The following FGF12 variants were observed in gnomAD, a reference collection of about 807,000 sequenced individuals.
FGF12 encodes the protein fibroblast growth factor 12B.
Under a neutral mutation model 23.6 loss-of-function variants are expected in FGF12, and 14 were observed. The observed-to-expected ratio is 0.59, with a 90% CI of 0.39 to 0.93. The LOEUF (loss-of-function observed/expected upper bound fraction) is 0.93. Among genes scored for constraint, FGF12 ranks in the 40% least tolerant of loss-of-function variants. The pLI is 0.00. For missense variants in FGF12, 175 were observed against 217.8 expected (o/e 0.80, Z 1.24); for synonymous variants, 62 against 77.3 (o/e 0.80, Z 1.04).
rs1719978590 is a variant in FGF12, at chr3:192,384,873, G to A, written c.14-24335C>T. Among the ~76,000 whole-genome samples the A allele has an allele frequency of 2.0e-5, 3 of 152,140 alleles. No homozygotes were observed. In the South Asian group the frequency reaches 6.2e-4, roughly 32 times the overall value. On this transcript the variant is annotated intron_variant, in intron 2 of 5. Coordinates refer to ENST00000445105, the MANE Select transcript of FGF12 (RefSeq NM_004113.6). ...TCTGTATTCCTTAGGTAGAGAGAGG[G>A]TGAAAAGTGACTGTTATGAGGGTCA...
intron 3 of FGF12, among the ~76,000 whole-genome samples, chr3:192,346,591 T>C (rs1717976093): frequency 6.6e-6 from 1 of 152,156 alleles, no homozygotes; most frequent in African/African-American, 2.4e-5. Flanking sequence ...GCAGGAATTG[T>C]ATCAGATTCA....
intron 2 of FGF12, among the ~76,000 whole-genome samples, chr3:192,501,677 C>A (rs1332595162): frequency 1.3e-5 from 2 of 152,122 alleles, no homozygotes; most frequent in African/African-American, 4.8e-5. Flanking sequence ...ACCGTAATTG[C>A]CAGAGAAGAT....
chr3:192,150,832 GT>G (rs1393538441), intron 5 of FGF12, among the ~76,000 whole-genome samples: 2 of 140,842 alleles, frequency 1.4e-5, no homozygotes, highest in African/African-American at 2.6e-5. Context: ...CTTTAAAGTA[GT>G]TTTTTCCAAT....
chr3:192,569,183 C>G (rs575474396), intron 2 of FGF12, among the ~76,000 whole-genome samples: 2 of 152,342 alleles, frequency 1.3e-5, no homozygotes, highest in East Asian at 3.9e-4. Flanking sequence ...AGCATCATAG[C>G]ATATGCCTTT....
chr3:192,641,539 G>A (rs1437602796), intron 2 of FGF12, among the ~76,000 whole-genome samples: 1 of 151,570 alleles, frequency 6.6e-6, no homozygotes, highest in Non-Finnish European at 1.5e-5. Context: ...TGAGTAGCTG[G>A]GATTACAGGC....
intron 4 of FGF12, among the ~76,000 whole-genome samples, chr3:192,295,404 A>G (rs975813239): frequency 1.3e-5 from 2 of 152,236 alleles, no homozygotes; most frequent in Non-Finnish European, 2.9e-5. Context: ...TCACCTAACT[A>G]GAGTCATTGC....
intron 2 of FGF12, among the ~76,000 whole-genome samples, chr3:192,378,082 C>CTTTCTTTCTTTCTTTCT (rs1719639069): frequency 8.6e-6 from 1 of 116,776 alleles, no homozygotes; most frequent in Non-Finnish European, 1.7e-5. Flanking sequence ...TTCTTTCTTT[C>CTTTCTTTCTTTCTTTCT]TTTCTTTCTT....
At chr3:192,347,659 A>G (rs1718026224) in intron 3 of FGF12, among the ~76,000 whole-genome samples, 1 of 152,158 alleles carries the variant, frequency 6.6e-6, no homozygotes, top group African/African-American at 2.4e-5. Context: ...TTAGACTTCG[A>G]TCAATTCTTC....
chr3:192,178,505 CTT>C (rs1017793337), intron 4 of FGF12, among the ~76,000 whole-genome samples: 11 of 149,460 alleles, frequency 7.4e-5, no homozygotes, highest in African/African-American at 2.4e-4. Context: ...AATCTAAACT[CTT>C]TTTTTTTTCC....
rs34728500 is a variant in FGF12, at chr3:192,342,010, TA to T, written c.125-6547del. Among the ~76,000 whole-genome samples, 30 of 148,850 alleles carry T rather than the reference TA, an allele frequency of 2.0e-4. No homozygotes were observed. In the South Asian group the frequency reaches 5.9e-3, roughly 29 times the overall value. On this transcript the variant is annotated intron_variant, in intron 3 of 5. Coordinates refer to ENST00000445105, the MANE Select transcript of FGF12 (RefSeq NM_004113.6). ...TGTATGCCAAATACCATGCCTAGGCTAAAAAAAGAGTGACGAACATAACAGT... is the reference window on the plus strand; with the variant it reads ...TGTATGCCAAATACCATGCCTAGGCTAAAAAAGAGTGACGAACATAACAGT...
In FGF12 at chr3:192,409,671, G is replaced by T. The variant is rs976974924; in HGVS notation, c.14-49133C>A. Reference sequence around the variant, plus strand: ...CTGGCTGCAGGCGATGTTGGCTCGCGGCGGCTGAGGCTCCTGGCCGGAGCT... The same window carrying T: ...CTGGCTGCAGGCGATGTTGGCTCGCTGCGGCTGAGGCTCCTGGCCGGAGCT... On this transcript the variant is annotated intron_variant, in intron 2 of 5. Transcript: ENST00000445105. This position sits in a 1 kb window ranked among gnomAD's most constrained non-coding sequence, Gnocchi z 4.8. Among the ~76,000 whole-genome samples, 4 of 152,172 alleles carry T rather than the reference G, an allele frequency of 2.6e-5. No individual in the cohort carries two copies. The highest frequency in any genetic ancestry group is 5.9e-5 in the Non-Finnish European group (4 of 68,020).
chr3:192,604,010 C>A (rs554662229), intron 2 of FGF12, among the ~76,000 whole-genome samples: 5 of 152,090 alleles, frequency 3.3e-5, no homozygotes, highest in Non-Finnish European at 7.4e-5. Flanking sequence ...AGACCTCCCC[C>A]CAGGAATGAA....
intron 2 of FGF12, among the ~76,000 whole-genome samples, chr3:192,680,064 A>G (rs1250002655): frequency 1.3e-5 from 2 of 151,910 alleles, no homozygotes; most frequent in African/African-American, 4.8e-5. Context: ...TTTTTCCTTT[A>G]CTGGAAAAAA....
chr3:192,581,492 A>G lies in FGF12; in HGVS notation c.13+145689T>C, dbSNP rs201380538. The stretch of plus-strand genomic sequence containing the variant: ...TATATATATGTGTGTGTGTGTATAT[A>G]TATATATATATATATATACAGGAAG... On this transcript the variant is annotated intron_variant, in intron 2 of 5. Transcript: ENST00000445105. Among the ~76,000 whole-genome samples the G allele has an allele frequency of 7.3e-3, 291 of 39,802 alleles. 1 individual carries two copies. In the East Asian group the frequency reaches 0.14, roughly 19 times the overall value. 26.1% of individuals were successfully genotyped at this position (39,802 alleles called of 152,430 possible).
At chr3:192,571,469 C>T (rs991349403) in intron 2 of FGF12, among the ~76,000 whole-genome samples, 1 of 152,262 alleles carries the variant, frequency 6.6e-6, no homozygotes, top group Non-Finnish European at 1.5e-5. Flanking sequence ...AGCGCGCGAG[C>T]AGCGCGGCAT....
chr3:192,661,383 A>T (rs2108684646), intron 2 of FGF12, among the ~76,000 whole-genome samples: 1 of 152,300 alleles, frequency 6.6e-6, no homozygotes, highest in Non-Finnish European at 1.5e-5. Context: ...TTAGCTGGGC[A>T]TGGTGGCATG....
At chr3:192,680,240 C>A (rs1047525147) in intron 2 of FGF12, among the ~76,000 whole-genome samples, 8 of 152,052 alleles carry the variant, frequency 5.3e-5, no homozygotes, top group African/African-American at 1.9e-4. Flanking sequence ...TTATTTTGAA[C>A]AAAGAGCTAG....
At chr3:192,709,521 G>A (rs541603374) in intron 2 of FGF12, among the ~76,000 whole-genome samples, 3 of 152,192 alleles carry the variant, frequency 2.0e-5, no homozygotes, top group Non-Finnish European at 2.9e-5. Flanking sequence ...TTAGTGGAAA[G>A]TATATTACTA....
At position 192,167,772 on chromosome 3, in the gene FGF12, A is replaced by ATATATATATATTT. The variant is rs1715302128; in HGVS notation, c.427+2685_427+2686insAAATATATATATA. 3.2e-4 allele frequency among the ~76,000 whole-genome samples: 5 copies of ATATATATATATTT among 15,396 alleles called. 1 individual carries two copies. The highest frequency in any genetic ancestry group is 3.7e-4 in the Non-Finnish European group (3 of 8,006). 10.1% of individuals were successfully genotyped at this position (15,396 alleles called of 152,430 possible). A position where few individuals can be genotyped will look rare whatever the true frequency, so the allele number is the denominator to read the frequency against. Reference sequence around the variant, plus strand: ...ATATATATATATATATATATATAAAATTTTTTTTTTTTTTTTTTTTTGAGA... The same window carrying ATATATATATATTT: ...ATATATATATATATATATATATAAAATATATATATATTTTTTTTTTTTTTTTTTTTTTTTGAGA... On this transcript the variant is annotated intron_variant, in intron 5 of 5. Coordinates refer to ENST00000445105, the MANE Select transcript of FGF12 (RefSeq NM_004113.6).
Sources: allele counts gnomAD v4.1 joint callset (sites outside exome capture counted in the v4.1 genomes callset), GRCh38; gene constraint gnomAD v4.1.1; non-coding constraint Gnocchi (gnomAD v3.1); transcripts MANE v1.5; gene names NCBI Gene and HGNC (gene_info 2026-07-23, HGNC 2026-07-21).